PTPRM: variants seen among roughly 807,000 people sequenced by gnomAD.
PTPRM encodes the protein receptor-type tyrosine-protein phosphatase mu.
Under a neutral mutation model 186.7 loss-of-function variants are expected in PTPRM, and 47 were observed. The observed-to-expected ratio is 0.25, with a 90% CI of 0.20 to 0.32. The LOEUF is 0.32. Ranked by LOEUF, PTPRM falls within the 10% of genes least tolerant of loss-of-function variation. The pLI is 1.00. For missense variants in PTPRM, 1,494 were observed against 1,865.0 expected (o/e 0.80, Z 3.66); for synonymous variants, 668 against 674.9 (o/e 0.99, Z 0.16).
chr18:8,277,860 A>G (rs1228497408), intron 19 of PTPRM, among the ~76,000 whole-genome samples: 1 of 152,244 alleles, frequency 6.6e-6, no homozygotes, highest in Non-Finnish European at 1.5e-5. Flanking sequence ...GTGCCTTTGA[A>G]GACTTGAGAT....
At chr18:8,176,339 C>G (rs980826537) in intron 14 of PTPRM, among the ~76,000 whole-genome samples, 7 of 152,134 alleles carry the variant, frequency 4.6e-5, no homozygotes, top group Admixed American at 4.6e-4. Flanking sequence ...CCATCTATTG[C>G]CAGTGATTTC....
intron 4 of PTPRM, among the ~76,000 whole-genome samples, chr18:7,921,002 T>C (rs1299958777): frequency 6.6e-6 from 1 of 152,226 alleles, no homozygotes; most frequent in Non-Finnish European, 1.5e-5. Flanking sequence ...TTCTTTTCTC[T>C]TGCTACTTTT....
At chr18:7,632,870 G>A (rs2038224636) in intron 1 of PTPRM, among the ~76,000 whole-genome samples, 2 of 152,174 alleles carry the variant, frequency 1.3e-5, no homozygotes, top group Admixed American at 1.3e-4. Flanking sequence ...AATTGCCTCA[G>A]TGCCCTAAAT....
intron 29 of PTPRM, 48 bp downstream of exon 29, chr18:8,380,475 T>A (rs657374): frequency 0.69 from 1,112,946 of 1,607,642 alleles, 386,974 homozygotes; most frequent in Admixed American, 0.81. Flanking sequence ...GGGGGTCAAG[T>A]TTGTTTTTAC....
At chr18:8,355,253 G>A (rs768262682) in intron 23 of PTPRM, among the ~76,000 whole-genome samples, 1 of 152,202 alleles carries the variant, frequency 6.6e-6, no homozygotes, top group Non-Finnish European at 1.5e-5. Context: ...ACCTCATCTA[G>A]CTGTGGAGTT....
intron 7 of PTPRM, among the ~76,000 whole-genome samples, chr18:8,027,256 A>G (rs2085628895): frequency 6.6e-6 from 1 of 152,240 alleles, no homozygotes. Context: ...AGTGATATAT[A>G]ATTCAATCTT....
intron 13 of PTPRM, among the ~76,000 whole-genome samples, chr18:8,125,948 T>A (rs182805344): frequency 2.2e-3 from 307 of 139,972 alleles, no homozygotes; most frequent in Middle Eastern, 3.6e-3. Flanking sequence ...CCTGACATGC[T>A]GTGGAGAATG....
rs193283071 is a variant in PTPRM, at chr18:7,763,706, G to T, written c.74-10443G>T. 2.7e-4 allele frequency among the ~76,000 whole-genome samples: 41 copies of T among 152,270 alleles called. 1 individual carries two copies. Among genetic ancestry groups the T allele is most frequent in the Admixed American group, 2.3e-3 (35 of 15,300 alleles). On this transcript the variant is annotated intron_variant, in intron 1 of 32. Coordinates refer to ENST00000580170, the MANE Select transcript of PTPRM (RefSeq NM_001105244.2). ...TTCTACCCAATGAATATAATGTGTA[G>T]AAAAAATGTTCATTGAGGGAAGTAC...
At chr18:8,075,777 A>G (rs1220170250) in intron 8 of PTPRM, among the ~76,000 whole-genome samples, 2 of 152,116 alleles carry the variant, frequency 1.3e-5, no homozygotes, top group South Asian at 2.1e-4. Flanking sequence ...TCTACTTTGT[A>G]TGTATTTTAA....
chr18:8,059,079 C>T (rs1238717393), intron 7 of PTPRM, among the ~76,000 whole-genome samples: 22 of 145,214 alleles, frequency 1.5e-4, no homozygotes, highest in South Asian at 4.4e-4. Context: ...ATTCTTCCTA[C>T]CCATGAGCAT....
At chr18:8,046,979 A>C (rs565914377) in intron 7 of PTPRM, among the ~76,000 whole-genome samples, 1 of 152,324 alleles carries the variant, frequency 6.6e-6, no homozygotes, top group South Asian at 2.1e-4. Flanking sequence ...TAGAACTTCA[A>C]GTGACCACTA....
chr18:7,613,672 CAA>C (rs78083328), intron 1 of PTPRM, among the ~76,000 whole-genome samples: 3 of 129,486 alleles, frequency 2.3e-5, no homozygotes, highest in African/African-American at 5.7e-5. Flanking sequence ...GACTCCGTCT[CAA>C]AAAAAAAAAA....
chr18:8,390,760 C>G (rs1430561248), intron 31 of PTPRM, among the ~76,000 whole-genome samples: 1 of 151,984 alleles, frequency 6.6e-6, no homozygotes, highest in South Asian at 2.1e-4. Flanking sequence ...AACCCCGTCT[C>G]TACTGAAACT....
At chr18:8,170,450 T>C (rs1275292413) in intron 14 of PTPRM, among the ~76,000 whole-genome samples, 2 of 151,842 alleles carry the variant, frequency 1.3e-5, no homozygotes, top group Non-Finnish European at 2.9e-5. Flanking sequence ...CATTTTACCA[T>C]TCTCTCTGTG....
chr18:8,276,664 C>CA (rs1568649741), intron 19 of PTPRM, among the ~76,000 whole-genome samples: 1 of 152,212 alleles, frequency 6.6e-6, no homozygotes, highest in Admixed American at 6.5e-5. Context: ...ATATCTGTGT[C>CA]ACCACGCTCA....
At chr18:7,642,354 A>G (rs1371283818) in intron 1 of PTPRM, among the ~76,000 whole-genome samples, 1 of 152,220 alleles carries the variant, frequency 6.6e-6, no homozygotes, top group East Asian at 1.9e-4. Flanking sequence ...AAAGTTGGGC[A>G]GACTTCACAT....
intron 1 of PTPRM, among the ~76,000 whole-genome samples, chr18:7,750,326 G>A (rs190607246): frequency 1.3e-5 from 2 of 152,090 alleles, no homozygotes; most frequent in Non-Finnish European, 2.9e-5. Context: ...AAACAAGCTC[G>A]TTAAAGACTG....
chr18:8,104,447 G>A (rs759706793), intron 11 of PTPRM, among the ~76,000 whole-genome samples: 5 of 151,882 alleles, frequency 3.3e-5, no homozygotes, highest in South Asian at 2.1e-4. Flanking sequence ...TTGTTTGTTC[G>A]TTTTGTTATG....
At chr18:7,774,643 G>A (rs2042494584) in intron 2 of PTPRM, among the ~76,000 whole-genome samples, 2 of 152,142 alleles carry the variant, frequency 1.3e-5, no homozygotes. Context: ...GGAGGCCTTG[G>A]TGGGGGACTT....
Sources: allele counts gnomAD v4.1 joint callset (sites outside exome capture counted in the v4.1 genomes callset), GRCh38; gene constraint gnomAD v4.1.1; transcripts MANE v1.5; gene names NCBI Gene and HGNC (gene_info 2026-07-23, HGNC 2026-07-21).